CPNE3: variants seen among roughly 807,000 people sequenced by gnomAD.
CPNE3 encodes copine-3.
A neutral mutation model predicts 63.9 loss-of-function variants in CPNE3; 68 were observed. The ratio of observed to expected loss-of-function variants is 1.06; its 90% CI spans 0.87 to 1.30. The LOEUF is 1.30. CPNE3 is among the 50% of genes most tolerant of loss of function. The pLI, the probability that CPNE3 is intolerant of heterozygous loss-of-function variation, is 0.00. For synonymous variants in CPNE3, 219 were observed against 197.5 expected (o/e 1.11, Z -0.91); for missense variants, 665 against 578.1 (o/e 1.15, Z -1.54).
At chr8:86,541,529 T>C (rs979168323) in intron 8 of CPNE3, among the ~76,000 whole-genome samples, 4 of 151,676 alleles carry the variant, frequency 2.6e-5, no homozygotes, top group African/African-American at 9.7e-5. Context: ...CATGGCAAAA[T>C]ACTGTCTCTA....
At chr8:86,533,519 T>C (rs959039621) in intron 6 of CPNE3, among the ~76,000 whole-genome samples, 1 of 151,994 alleles carries the variant, frequency 6.6e-6, no homozygotes, top group African/African-American at 2.4e-5. Flanking sequence ...AACAAGACTC[T>C]GTCTCAAGTA....
intron 11 of CPNE3, 148 bp from the exon 12 acceptor site, chr8:86,548,153 T>C: frequency 1.3e-6 from 1 of 749,750 alleles, no homozygotes. Flanking sequence ...TTTACTTGTT[T>C]AATTGTCTAT....
intron 14 of CPNE3, among the ~76,000 whole-genome samples, chr8:86,553,776 A>G (rs1370149103): frequency 2.1e-5 from 3 of 139,948 alleles, no homozygotes; most frequent in East Asian, 4.1e-4. Context: ...TGTGGCAAGT[A>G]TCTGTGATGA....
chr8:86,536,984 A>G (rs1392993320), intron 6 of CPNE3, among the ~76,000 whole-genome samples: 1 of 152,298 alleles, frequency 6.6e-6, no homozygotes, highest in African/African-American at 2.4e-5. Flanking sequence ...AAGTGTTTCT[A>G]TTATGTGTTC....
chr8:86,530,829 T>A (rs1192138865), intron 4 of CPNE3, among the ~76,000 whole-genome samples: 1 of 151,916 alleles, frequency 6.6e-6, no homozygotes, highest in African/African-American at 2.4e-5. Context: ...GTAGCTGGGA[T>A]TACAGGCACC....
intron 2 of CPNE3, among the ~76,000 whole-genome samples, chr8:86,516,630 T>A (rs62510806): frequency 0.44 from 66,986 of 151,784 alleles, 15,069 homozygotes; most frequent in Middle Eastern, 0.53. Context: ...GCTCAAGTGA[T>A]CCTCCTGCCT....
At chr8:86,531,065 T>C in intron 4 of CPNE3, 90 bp from the exon 5 acceptor site, 1 of 733,800 alleles carries the variant, frequency 1.4e-6, no homozygotes, top group Admixed American at 2.0e-5. Context: ...TAAGTGAACC[T>C]TATACTCAGT....
intron 8 of CPNE3, among the ~76,000 whole-genome samples, chr8:86,543,231 T>C (rs1423513337): frequency 3.9e-5 from 6 of 152,106 alleles, no homozygotes; most frequent in African/African-American, 1.4e-4. Context: ...CTGTCAGACT[T>C]GGTCAGTGGC....
intron 2 of CPNE3, among the ~76,000 whole-genome samples, chr8:86,528,090 A>AGG (rs1261139337): frequency 6.6e-6 from 1 of 151,336 alleles, no homozygotes; most frequent in African/African-American, 2.4e-5. Flanking sequence ...CTGGGATTAT[A>AGG]GGCACACACC....
chr8:86,539,131 A>T (rs148802695), intron 7 of CPNE3, among the ~76,000 whole-genome samples: 18 of 152,278 alleles, frequency 1.2e-4, no homozygotes, highest in African/African-American at 3.6e-4. Flanking sequence ...ATGGATTGTT[A>T]TAACAGTGTA....
At position 86,544,768 on chromosome 8, in the gene CPNE3, G is replaced by T; in HGVS notation, c.662G>T (p.Gly221Val). 6.4e-7 allele frequency: 1 copy of T among 1,555,088 alleles called. No individual in the cohort carries two copies. Among genetic ancestry groups the T allele is most frequent in the South Asian group, 1.2e-5 (1 of 81,930 alleles). ...KVECYDYDNDGSHDLIGTFQT... is the reference protein window; with the variant it reads ...KVECYDYDNDVSHDLIGTFQT... ...GAGTGTTATGATTATGACAATGATG[G>T]GTCACATGATCTCATTGGAACATTT... is the stretch of plus-strand genomic sequence containing the variant. The change falls in exon 9 of 17, where the codon GGG becomes GTG. Residue 221 changes from glycine to valine, a missense_variant. Transcript: ENST00000517490.
At chr8:86,542,056 A>G (rs978714659) in intron 8 of CPNE3, among the ~76,000 whole-genome samples, 1 of 152,216 alleles carries the variant, frequency 6.6e-6, no homozygotes. Context: ...TGGCATGCTT[A>G]CAGGGCTATT....
chr8:86,554,722 G>A lies in CPNE3; in HGVS notation c.1121-129G>A, dbSNP rs189288848. 2.6e-4 allele frequency: 285 copies of A among 1,100,580 alleles called. 1 individual carries two copies. In the African/African-American group the frequency reaches 4.0e-3, roughly 16 times the overall value. The allele number at this position is 1,100,580 out of a possible 1,614,324, so 68.2% of individuals were successfully genotyped here. Reference sequence around the variant, plus strand: ...TAATACATAGCTTAGAGGAACTACTGCTTATAGAACTTTTGACTATTTAAA... The same window carrying A: ...TAATACATAGCTTAGAGGAACTACTACTTATAGAACTTTTGACTATTTAAA... On this transcript the variant is annotated intron_variant, in intron 14 of 16. Transcript: ENST00000517490.
rs781021543 is a variant in CPNE3, at chr8:86,548,434, C to T, written c.1013C>T (p.Ala338Val). 8 of 1,613,416 alleles carry T rather than the reference C, an allele frequency of 5.0e-6. No individual in the cohort carries two copies. Among genetic ancestry groups the T allele is most frequent in the African/African-American group, 4.0e-5 (3 of 74,866 alleles). Residue 338 changes from alanine (A) to valine (V), a missense_variant and splice_region_variant, in exon 12 of 17, where the codon GCT becomes GTT. Transcript: ENST00000517490. ...SVGLVIQDYD[A>V]DKMFPAFGFG... The stretch of plus-strand genomic sequence containing the variant: ...GGACTGGTCATTCAAGATTATGATG[C>T]GTGAGTATGACTTTGGAAAAACTAA...
chr8:86,539,222 A>G (rs1018927228), intron 7 of CPNE3, among the ~76,000 whole-genome samples: 1 of 152,174 alleles, frequency 6.6e-6, no homozygotes, highest in African/African-American at 2.4e-5. Context: ...TAGTCTCTAA[A>G]ATGGCTCTTG....
intron 2 of CPNE3, chr8:86,524,675 A>C (rs1820501691): frequency 7.4e-6 from 1 of 134,248 alleles, no homozygotes; most frequent in South Asian, 2.4e-4. Context: ...ATTTTTCCTC[A>C]TCATAATTTT....
intron 6 of CPNE3, 72 bp from the exon 7 acceptor site, chr8:86,537,491 A>G: frequency 1.1e-6 from 1 of 914,184 alleles, no homozygotes; most frequent in Non-Finnish European, 1.8e-6. Flanking sequence ...CAACATGTGT[A>G]AAGTATGGTC....
At chr8:86,519,906 T>G (rs1326221534) in intron 2 of CPNE3, among the ~76,000 whole-genome samples, 2 of 152,058 alleles carry the variant, frequency 1.3e-5, no homozygotes, top group East Asian at 3.9e-4. Context: ...AGAGATGGGT[T>G]TCACCATGTT....
rs1821362632 is a variant in CPNE3, at chr8:86,558,176, A to G, written c.1492-112A>G. The G allele has an allele frequency of 1.0e-5, 8 of 764,824 alleles. No homozygotes were observed. In the South Asian group the frequency reaches 1.2e-4, roughly 12 times the overall value. The allele number at this position is 764,824 out of a possible 1,614,324, so 47.4% of individuals were successfully genotyped here. ...GGTTCCTAAGAAAAGGTACAGGCCT[A>G]TGAATTAGAATTGCTTCATTTTAGT... On this transcript the variant is annotated intron_variant, in intron 16 of 16. Transcript: ENST00000517490.
Sources: gnomAD v4.1 joint callset for allele counts (sites outside exome capture counted in the v4.1 genomes callset) on GRCh38, gnomAD v4.1.1 for gene constraint, MANE v1.5 for transcripts, NCBI Gene and HGNC (gene_info 2026-07-23, HGNC 2026-07-21) for gene names.